The following PJA2 variants were observed in gnomAD, a reference collection of about 807,000 sequenced individuals.
The protein encoded by PJA2 is E3 ubiquitin-protein ligase Praja-2.
A neutral mutation model predicts 69.3 loss-of-function variants in PJA2; 25 were observed. The observed-to-expected ratio is 0.36, with a 90% confidence interval of 0.26 to 0.50. The LOEUF is 0.50. PJA2 is among the 20% of genes least tolerant of loss of function. The probability of loss-of-function intolerance (pLI) is 0.96; values close to 1 mark genes in which losing one functional copy is unlikely to be tolerated. For synonymous variants in PJA2, 308 were observed against 277.8 expected (o/e 1.11, Z -1.08); for missense variants, 809 against 830.2 (o/e 0.97, Z 0.31).
At chr5:109,358,159 G>A (rs909074940) in intron 6 of PJA2, among the ~76,000 whole-genome samples, 9 of 152,192 alleles carry the variant, frequency 5.9e-5, no homozygotes, top group African/African-American at 1.9e-4. Context: ...TAATGCCCAT[G>A]CTAGAAGGTT....
chr5:109,409,950 C>T lies in PJA2; in HGVS notation c.-196G>A. ...CCCCCGCCGAACGCGAAGCGGCTGG[C>T]GGCTGTGGCGGCGGCGGCGGCGGTG... On this transcript the variant is annotated 5_prime_UTR_variant, in exon 1 of 10. Coordinates refer to ENST00000361189, the MANE Select transcript of PJA2 (RefSeq NM_014819.5). 2 of 211,480 alleles carry T rather than the reference C, an allele frequency of 9.5e-6. No homozygotes were observed. Among genetic ancestry groups the T allele is most frequent in the Non-Finnish European group, 9.3e-6 (1 of 106,970 alleles). The allele number at this position is 211,480 out of a possible 1,614,324, so 13.1% of individuals were successfully genotyped here.
At chr5:109,370,027 C>T (rs558291322) in intron 4 of PJA2, among the ~76,000 whole-genome samples, 8 of 142,074 alleles carry the variant, frequency 5.6e-5, no homozygotes, top group Non-Finnish European at 9.1e-5. Context: ...AGTGAAACTC[C>T]CTCTCAAAAA....
chr5:109,347,637 A>C (rs1762191180), intron 7 of PJA2, among the ~76,000 whole-genome samples: 1 of 152,216 alleles, frequency 6.6e-6, no homozygotes, highest in African/African-American at 2.4e-5. Context: ...TCCAGAAGGC[A>C]AATTTCCAGC....
chr5:109,363,131 G>T, intron 5 of PJA2, 109 bp from the exon 6 acceptor site: 1 of 892,934 alleles, frequency 1.1e-6, no homozygotes, highest in South Asian at 3.3e-5. Context: ...CTAAGCTCTT[G>T]GTACTTTTAT....
At position 109,378,431 on chromosome 5, in the gene PJA2, A is replaced by C. The variant is rs1349560184; in HGVS notation, c.1056T>G (p.Val352=). The change falls in exon 4 of 10, where the codon GTT becomes GTG. Residue 352 remains valine (V), a synonymous_variant. Coordinates refer to ENST00000361189, the MANE Select transcript of PJA2 (RefSeq NM_014819.5). ...SVQRWREALE[V]EESGSDDLLI... ...AGAGGTCATCTGAGCCACTTTCCTC[A>C]ACTTCCAAAGCCTCTCTCCATCTTT... 1 of 1,614,118 alleles carries C rather than the reference A, an allele frequency of 6.2e-7. No homozygotes were observed. The highest frequency in any genetic ancestry group is 1.7e-5 in the Admixed American group (1 of 60,006).
At chr5:109,383,351 C>T (rs1026851093) in intron 2 of PJA2, 52 bp downstream of exon 2, 4 of 1,558,580 alleles carry the variant, frequency 2.6e-6, no homozygotes, top group Non-Finnish European at 3.5e-6. Context: ...ACTCAAGGTA[C>T]CCAGAGGAAA....
intron 1 of PJA2, among the ~76,000 whole-genome samples, chr5:109,394,301 G>A (rs559162181): frequency 7.9e-5 from 12 of 151,844 alleles, no homozygotes; most frequent in Admixed American, 5.9e-4. Context: ...ACCCGCCTCC[G>A]CCTCTCAAAG....
In PJA2 at chr5:109,336,512, C is replaced by T. The variant is rs183170451; in HGVS notation, c.*719G>A. 2 of 152,020 alleles carry T rather than the reference C, an allele frequency of 1.3e-5. No individual in the cohort carries two copies. Among genetic ancestry groups the T allele is most frequent in the South Asian group, 2.1e-4 (1 of 4,826 alleles). The allele number at this position is 152,020 out of a possible 1,614,324, so 9.4% of individuals were successfully genotyped here. A position where few individuals can be genotyped will look rare whatever the true frequency, so the allele number is the denominator to read the frequency against. On this transcript the variant is annotated 3_prime_UTR_variant, in exon 10 of 10. Transcript: ENST00000361189. ...AGTTTCATAAGGCCATCTAATTCAG[C>T]TCATTGTACCAAGCCCTGAGCACAC...
intron 1 of PJA2, among the ~76,000 whole-genome samples, chr5:109,385,985 T>C (rs1747146877): frequency 6.6e-6 from 1 of 152,084 alleles, no homozygotes; most frequent in Admixed American, 6.6e-5. Context: ...ATGTGTGGAA[T>C]GTTAAAATTA....
intron 4 of PJA2, among the ~76,000 whole-genome samples, chr5:109,376,256 T>TAAAAAAAAA (rs10612724): frequency 7.5e-6 from 1 of 132,558 alleles, no homozygotes; most frequent in Non-Finnish European, 1.6e-5. Flanking sequence ...ATATTGTTTG[T>TAAAAAAAAA]AAAAAAAAAA....
intron 7 of PJA2, among the ~76,000 whole-genome samples, chr5:109,354,629 A>T (rs1295969188): frequency 1.4e-5 from 2 of 145,254 alleles, no homozygotes; most frequent in Admixed American, 1.4e-4. Context: ...TCGATATTAG[A>T]TATATTAGAT....
intron 1 of PJA2, among the ~76,000 whole-genome samples, chr5:109,392,675 A>C (rs1747309507): frequency 6.6e-6 from 1 of 152,192 alleles, no homozygotes; most frequent in Admixed American, 6.5e-5. Context: ...CTAGTACCAT[A>C]TAGGACCAAC....
intron 1 of PJA2, among the ~76,000 whole-genome samples, chr5:109,402,191 A>G (rs1408887778): frequency 3.3e-5 from 5 of 152,178 alleles, no homozygotes; most frequent in Admixed American, 6.5e-5. Context: ...TAAGTAGAAA[A>G]CAATTAAGAT....
At chr5:109,358,869 C>T (rs1196201642) in intron 6 of PJA2, among the ~76,000 whole-genome samples, 1 of 152,140 alleles carries the variant, frequency 6.6e-6, no homozygotes, top group African/African-American at 2.4e-5. Context: ...ACAAGAACCA[C>T]TAATAGATGC....
intron 1 of PJA2, among the ~76,000 whole-genome samples, chr5:109,392,488 G>T (rs577590982): frequency 6.7e-6 from 1 of 149,780 alleles, no homozygotes; most frequent in Non-Finnish European, 1.5e-5. Context: ...TTGAACCCAG[G>T]AGGTGGAGGT....
At position 109,336,860 on chromosome 5, in the gene PJA2, T is replaced by G. The variant is rs1376969395; in HGVS notation, c.*371A>C. 1 of 153,532 alleles carries G rather than the reference T, an allele frequency of 6.5e-6. No individual in the cohort carries two copies. Among genetic ancestry groups the G allele is most frequent in the African/African-American group, 2.4e-5 (1 of 41,468 alleles). 9.5% of individuals were successfully genotyped at this position (153,532 alleles called of 1,614,324 possible). On this transcript the variant is annotated 3_prime_UTR_variant, in exon 10 of 10. Transcript: ENST00000361189. ...TTACTACGGTTGTGAACACAGTCTT[T>G]ACATTTGATGCAAACAGGACAGCTT...
chr5:109,379,268 A>C lies in PJA2; in HGVS notation c.233-14T>G, dbSNP rs1160069646. The C allele has an allele frequency of 4.5e-6, 7 of 1,539,470 alleles. No individual in the cohort carries two copies. The highest frequency in any genetic ancestry group is 6.1e-6 in the Non-Finnish European group (7 of 1,139,742). On this transcript the variant is annotated splice_polypyrimidine_tract_variant and intron_variant, in intron 3 of 9. Transcript: ENST00000361189. ...AAGGACTGGAACCTTCATAAAAAAC[A>C]AAAGAAAACATATTTTAAAGGATTA...
chr5:109,371,313 ACCTT>A (rs1762671347), intron 4 of PJA2, among the ~76,000 whole-genome samples: 2 of 152,148 alleles, frequency 1.3e-5, no homozygotes, highest in South Asian at 4.1e-4. Flanking sequence ...AAGATTTTTC[ACCTT>A]CCTTGTCAAA....
intron 9 of PJA2, among the ~76,000 whole-genome samples, chr5:109,342,178 C>T (rs1762080203): frequency 9.6e-6 from 1 of 104,470 alleles, no homozygotes; most frequent in South Asian, 3.3e-4. Context: ...CGGCCAGCCG[C>T]CCCGTCCGGG....
Sources: allele counts gnomAD v4.1 joint callset (sites outside exome capture counted in the v4.1 genomes callset), GRCh38; gene constraint gnomAD v4.1.1; transcripts MANE v1.5; gene names NCBI Gene and HGNC (gene_info 2026-07-23, HGNC 2026-07-21).